Variants in HS3ST4 observed in about 807,000 individuals in gnomAD.
HS3ST4 encodes heparan sulfate glucosamine 3-O-sulfotransferase 4.
In HS3ST4, 17 loss-of-function variants were observed where a neutral mutation model predicts 29.2. That is an observed-to-expected ratio of 0.58 (90% CI 0.40 to 0.87). HS3ST4 has a LOEUF of 0.87. HS3ST4 is among the 40% of genes least tolerant of loss of function. HS3ST4 has a pLI of 0.00. For synonymous variants in HS3ST4, 314 were observed against 285.7 expected (o/e 1.10, Z -1.00); for missense variants, 627 against 634.5 (o/e 0.99, Z 0.13).
chr16:25,830,728 T>C lies in HS3ST4; in HGVS notation c.734+137577T>C, dbSNP rs760414922. On this transcript the variant is annotated intron_variant, in intron 1 of 1. Transcript: ENST00000331351. ...CACCTTCAATCCATGTCTTTTTTTT[T>C]TTTTAGCTGTCAGCTCTATCCCCAA... Among the ~76,000 whole-genome samples the C allele has an allele frequency of 5.4e-4, 82 of 152,138 alleles. 1 individual carries two copies. The highest frequency in any genetic ancestry group is 1.6e-3 in the Admixed American group (25 of 15,286).
intron 1 of HS3ST4, among the ~76,000 whole-genome samples, chr16:25,967,802 C>T (rs1968858117): frequency 6.6e-6 from 1 of 152,240 alleles, no homozygotes; most frequent in South Asian, 2.1e-4. Flanking sequence ...GTTTGTGACT[C>T]TGAGAGTTCC....
At chr16:26,045,177 A>T (rs1898249737) in intron 1 of HS3ST4, among the ~76,000 whole-genome samples, 1 of 152,128 alleles carries the variant, frequency 6.6e-6, no homozygotes, top group Non-Finnish European at 1.5e-5. Flanking sequence ...GCTGTGTCTG[A>T]GAGATGTCAG....
chr16:26,112,254 G>GTGTGTGTGTGTGTGTA (rs1899142162), intron 1 of HS3ST4, among the ~76,000 whole-genome samples: 1 of 29,418 alleles, frequency 3.4e-5, no homozygotes, highest in Non-Finnish European at 1.0e-4. Context: ...GTGTGTATGT[G>GTGTGTGTGTGTGTGTA]TGTGTGTGTG....
intron 1 of HS3ST4, among the ~76,000 whole-genome samples, chr16:25,953,940 A>G (rs1968704061): frequency 6.6e-6 from 1 of 152,058 alleles, no homozygotes; most frequent in Non-Finnish European, 1.5e-5. Flanking sequence ...TGCGGGTGCT[A>G]CCTCTCTGGC....
At chr16:25,775,445 C>A (rs1036961732) in intron 1 of HS3ST4, among the ~76,000 whole-genome samples, 3 of 152,208 alleles carry the variant, frequency 2.0e-5, no homozygotes, top group Non-Finnish European at 4.4e-5. Context: ...ATTCGAGCAT[C>A]TCACCTAACC....
chr16:25,840,698 C>A, intron 1 of HS3ST4, among the ~76,000 whole-genome samples: 1 of 152,060 alleles, frequency 6.6e-6, no homozygotes, highest in East Asian at 1.9e-4. Context: ...AAAGTATCAA[C>A]CTACTGGGGC....
At chr16:25,725,919 T>C (rs1015926807) in intron 1 of HS3ST4, among the ~76,000 whole-genome samples, 1 of 152,204 alleles carries the variant, frequency 6.6e-6, no homozygotes, top group Non-Finnish European at 1.5e-5. Flanking sequence ...ATTACAACAG[T>C]GGCTTTCAAT....
At chr16:25,845,542 G>A (rs1238044199) in intron 1 of HS3ST4, among the ~76,000 whole-genome samples, 1 of 151,972 alleles carries the variant, frequency 6.6e-6, no homozygotes, top group Non-Finnish European at 1.5e-5. Flanking sequence ...AATCTAAGAA[G>A]AGGAAATGCT....
At chr16:26,071,146 A>T (rs1008321064) in intron 1 of HS3ST4, among the ~76,000 whole-genome samples, 1 of 151,638 alleles carries the variant, frequency 6.6e-6, no homozygotes, top group Non-Finnish European at 1.5e-5. Flanking sequence ...ATGAAGCCCT[A>T]TAGGCGTCCC....
intron 1 of HS3ST4, among the ~76,000 whole-genome samples, chr16:25,965,646 C>T (rs778848086): frequency 2.1e-4 from 32 of 152,122 alleles, no homozygotes; most frequent in Non-Finnish European, 3.4e-4. Context: ...TTTTATCATT[C>T]GTGTGTCTTC....
chr16:25,710,051 A>C (rs1966405357), intron 1 of HS3ST4, among the ~76,000 whole-genome samples: 1 of 152,180 alleles, frequency 6.6e-6, no homozygotes. Context: ...ATTTCTAGAA[A>C]ATCTTTGATT....
chr16:25,708,709 A>G (rs1966393282), intron 1 of HS3ST4, among the ~76,000 whole-genome samples: 2 of 152,228 alleles, frequency 1.3e-5, no homozygotes, highest in Admixed American at 6.5e-5. Context: ...CCTCATTTAG[A>G]ACAAAACAAT....
At chr16:25,973,408 C>T (rs1968915294) in intron 1 of HS3ST4, among the ~76,000 whole-genome samples, 1 of 152,210 alleles carries the variant, frequency 6.6e-6, no homozygotes, top group African/African-American at 2.4e-5. Context: ...GAAAAGAAGA[C>T]ATCTTTCCTG....
intron 1 of HS3ST4, among the ~76,000 whole-genome samples, chr16:25,749,437 A>G (rs1016412070): frequency 6.6e-6 from 1 of 152,134 alleles, no homozygotes; most frequent in African/African-American, 2.4e-5. Context: ...TGAAGCCGCT[A>G]TGAGCCATCA....
intron 1 of HS3ST4, among the ~76,000 whole-genome samples, chr16:26,089,603 G>A (rs7193732): frequency 0.53 from 81,243 of 152,010 alleles, 22,524 homozygotes; most frequent in African/African-American, 0.67. Context: ...GTTAGCATTC[G>A]CACACTTGGT....
At chr16:25,715,070 C>A (rs1966443168) in intron 1 of HS3ST4, among the ~76,000 whole-genome samples, 1 of 151,912 alleles carries the variant, frequency 6.6e-6, no homozygotes, top group Non-Finnish European at 1.5e-5. Context: ...CGCCTGTAAT[C>A]CCAGCACTTT....
chr16:25,972,766 A>G (rs1273290658), intron 1 of HS3ST4, among the ~76,000 whole-genome samples: 1 of 152,170 alleles, frequency 6.6e-6, no homozygotes, highest in Non-Finnish European at 1.5e-5. Context: ...CAGGGTGTGA[A>G]TGCGAAGAGG....
intron 1 of HS3ST4, among the ~76,000 whole-genome samples, chr16:25,903,032 A>T (rs1242890799): frequency 6.6e-6 from 1 of 151,766 alleles, no homozygotes; most frequent in Non-Finnish European, 1.5e-5. Context: ...AAAAAAAAAA[A>T]AAATGTATGG....
At chr16:25,876,187 C>G (rs1967831152) in intron 1 of HS3ST4, among the ~76,000 whole-genome samples, 1 of 152,154 alleles carries the variant, frequency 6.6e-6, no homozygotes, top group Admixed American at 6.6e-5. Flanking sequence ...CTTTTTGTCT[C>G]TGTGACTTCT....
Sources: allele counts gnomAD v4.1 joint callset (sites outside exome capture counted in the v4.1 genomes callset), GRCh38; gene constraint gnomAD v4.1.1; transcripts MANE v1.5; gene names NCBI Gene and HGNC (gene_info 2026-07-23, HGNC 2026-07-21).